The following ATRAID variants were observed in gnomAD, a reference collection of about 807,000 sequenced individuals.
ATRAID encodes the protein all-trans retinoic acid-induced differentiation factor.
Under a neutral mutation model 28.8 loss-of-function variants are expected in ATRAID, and 26 were observed. The ratio of observed to expected loss-of-function variants is 0.90; its 90% confidence interval spans 0.66 to 1.25. ATRAID has a LOEUF of 1.25. ATRAID is among the 50% of genes most tolerant of loss of function. The pLI, the probability that ATRAID is intolerant of heterozygous loss-of-function variation, is 0.00. For synonymous variants in ATRAID, 131 were observed against 108.5 expected (o/e 1.21, Z -1.29); for missense variants, 308 against 285.9 (o/e 1.08, Z -0.56).
intron 2 of ATRAID, chr2:27,213,513 A>G (rs1369398698): frequency 2.0e-5 from 9 of 443,832 alleles, no homozygotes; most frequent in Non-Finnish European, 3.4e-5. Flanking sequence ...AGCATTTCCT[A>G]CTGAGTGCAC....
chr2:27,212,743 C>T (rs1455777975), intron 1 of ATRAID: 4 of 996,326 alleles, frequency 4.0e-6, no homozygotes, highest in Non-Finnish European at 5.4e-6. Flanking sequence ...GGTCCTCTGC[C>T]TCTTGTGTAA....
intron 2 of ATRAID, among the ~76,000 whole-genome samples, chr2:27,214,246 T>G (rs1034649753): frequency 1.3e-5 from 2 of 152,188 alleles, no homozygotes; most frequent in African/African-American, 4.8e-5. Flanking sequence ...TTTTTAACAT[T>G]CTCCCAGTGT....
chr2:27,216,208 G>T (rs1674822659), intron 5 of ATRAID, among the ~76,000 whole-genome samples: 1 of 152,212 alleles, frequency 6.6e-6, no homozygotes, highest in Admixed American at 6.5e-5. Context: ...AGATTACAAA[G>T]TATATTGATC....
At chr2:27,213,089 A>G in intron 1 of ATRAID, 88 bp from the exon 2 acceptor site, 4 of 1,523,618 alleles carry the variant, frequency 2.6e-6, no homozygotes, top group Non-Finnish European at 3.6e-6. Flanking sequence ...AATTCTGGAA[A>G]CGTGTACTGG....
At chr2:27,214,246 T>C (rs1034649753) in intron 2 of ATRAID, among the ~76,000 whole-genome samples, 4 of 152,188 alleles carry the variant, frequency 2.6e-5, no homozygotes, top group African/African-American at 9.7e-5. Context: ...TTTTTAACAT[T>C]CTCCCAGTGT....
At chr2:27,212,646 C>A in intron 1 of ATRAID, 179 bp downstream of exon 1, 1 of 1,398,816 alleles carries the variant, frequency 7.1e-7, no homozygotes, top group Non-Finnish European at 9.2e-7. Flanking sequence ...AGGCCTTCGG[C>A]GCCCCAGTCC....
chr2:27,214,078 C>A (rs1231038606), intron 2 of ATRAID, among the ~76,000 whole-genome samples: 3 of 152,180 alleles, frequency 2.0e-5, no homozygotes, highest in Non-Finnish European at 4.4e-5. Flanking sequence ...TAAAAACTTC[C>A]TGTAATCTTT....
At chr2:27,214,024 C>T (rs1043520368) in intron 2 of ATRAID, among the ~76,000 whole-genome samples, 4 of 152,070 alleles carry the variant, frequency 2.6e-5, no homozygotes, top group Admixed American at 1.3e-4. Flanking sequence ...CGGCTCACCG[C>T]GCCCTCCACC....
At chr2:27,212,985 A>T in intron 1 of ATRAID, 192 bp from the exon 2 acceptor site, 1 of 660,852 alleles carries the variant, frequency 1.5e-6, no homozygotes, top group South Asian at 2.1e-5. Flanking sequence ...GATTCGGCGC[A>T]GGACTCTGGA....
intron 5 of ATRAID, 44 bp downstream of exon 5, chr2:27,215,797 C>G: frequency 6.2e-7 from 1 of 1,602,518 alleles, no homozygotes; most frequent in Non-Finnish European, 8.5e-7. Flanking sequence ...GTCTTTTCTC[C>G]CTTGTATTTT....
Position 27,215,768 on chromosome 2 carries a change from C to T in ATRAID, c.487+15C>T. ...TGGGGACCCAGGTATGCTGTCTTAC[C>T]TCCAAACTTCTGGGAATTGTCTTTT... On this transcript the variant is annotated intron_variant, in intron 5 of 6. Coordinates refer to ENST00000380171, the MANE Select transcript of ATRAID (RefSeq NM_001170795.4). The T allele has an allele frequency of 6.2e-7, 1 of 1,611,148 alleles. No individual in the cohort carries two copies.
chr2:27,215,455 A>C lies in ATRAID; in HGVS notation c.294-19A>C. 1.9e-6 allele frequency: 3 copies of C among 1,614,168 alleles called. No homozygotes were observed. In the South Asian group the frequency reaches 3.3e-5, roughly 18 times the overall value. On this transcript the variant is annotated intron_variant, in intron 3 of 6. Transcript: ENST00000380171. Reference sequence around the variant, plus strand: ...TAATGTAGGTTGATGCGAAAGTGCTAACATTGTGTACTTTGCAGAGACCTG... The same window carrying C: ...TAATGTAGGTTGATGCGAAAGTGCTCACATTGTGTACTTTGCAGAGACCTG...
Position 27,215,850 on chromosome 2 carries a change from T to C in ATRAID, c.487+97T>C, listed in dbSNP as rs994109808. On this transcript the variant is annotated intron_variant, in intron 5 of 6. Coordinates refer to ENST00000380171, the MANE Select transcript of ATRAID (RefSeq NM_001170795.4). ...GACAAAGTTGCTTAAGCGCCTTTCA[T>C]TCAGAGTTCTGGGGCTATAACCCCT... 5 of 1,477,140 alleles carry C rather than the reference T, an allele frequency of 3.4e-6. No individual in the cohort carries two copies. In the Admixed American group the frequency reaches 6.1e-5, roughly 18 times the overall value. 91.5% of individuals were successfully genotyped at this position (1,477,140 alleles called of 1,614,324 possible). A position where few individuals can be genotyped will look rare whatever the true frequency, so the allele number is the denominator to read the frequency against.
At position 27,213,261 on chromosome 2, in the gene ATRAID, G is replaced by A. The variant is rs1433120955; in HGVS notation, c.184G>A (p.Ala62Thr). 6.2e-7 allele frequency: 1 copy of A among 1,614,176 alleles called. No homozygotes were observed. The highest frequency in any genetic ancestry group is 2.2e-5 in the East Asian group (1 of 44,892). The change falls in exon 2 of 7, where the codon GCC becomes ACC. Residue 62 changes from alanine to threonine, a missense_variant. Coordinates refer to ENST00000380171, the MANE Select transcript of ATRAID (RefSeq NM_001170795.4). ...AACGACACGAGAGCTAATGCTGCAT[G>A]CCCGTTGCTGCCTGAATCAGAAGGG... ...CKTTRELMLH[A>T]RCCLNQKGTI...
Position 27,217,133 on chromosome 2 carries a change from C to G in ATRAID, c.*185C>G. The G allele has an allele frequency of 1.9e-6, 1 of 539,082 alleles. No homozygotes were observed. Among genetic ancestry groups the G allele is most frequent in the Admixed American group, 3.9e-5 (1 of 25,654 alleles). The allele number at this position is 539,082 out of a possible 1,614,324, so 33.4% of individuals were successfully genotyped here. A position where few individuals can be genotyped will look rare whatever the true frequency, so the allele number is the denominator to read the frequency against. ...TACCAGTTCCCATTGGTGTTGTTGCCTATAATAAACACTTTTTTCTTTTTT... is the reference window on the plus strand; with the variant it reads ...TACCAGTTCCCATTGGTGTTGTTGCGTATAATAAACACTTTTTTCTTTTTT... On this transcript the variant is annotated 3_prime_UTR_variant, in exon 7 of 7. Transcript: ENST00000380171.
intron 2 of ATRAID, 64 bp downstream of exon 2, chr2:27,213,362 C>T (rs1409578673): frequency 9.0e-6 from 14 of 1,547,220 alleles, no homozygotes; most frequent in African/African-American, 6.9e-5. Flanking sequence ...GCTTTTATAC[C>T]CTTATATTAT....
chr2:27,215,768 C>G lies in ATRAID; in HGVS notation c.487+15C>G, dbSNP rs1674800370. 3 of 1,611,148 alleles carry G rather than the reference C, an allele frequency of 1.9e-6. No homozygotes were observed. The highest frequency in any genetic ancestry group is 2.5e-6 in the Non-Finnish European group (3 of 1,178,990). On this transcript the variant is annotated intron_variant, in intron 5 of 6. Coordinates refer to ENST00000380171, the MANE Select transcript of ATRAID (RefSeq NM_001170795.4). ...TGGGGACCCAGGTATGCTGTCTTACCTCCAAACTTCTGGGAATTGTCTTTT... is the reference window on the plus strand; with the variant it reads ...TGGGGACCCAGGTATGCTGTCTTACGTCCAAACTTCTGGGAATTGTCTTTT...
chr2:27,212,080 G>C lies in ATRAID; in HGVS notation c.-289G>C. The C allele has an allele frequency of 7.6e-7, 1 of 1,319,808 alleles. No homozygotes were observed. The highest frequency in any genetic ancestry group is 1.0e-6 in the Non-Finnish European group (1 of 990,228). The allele number at this position is 1,319,808 out of a possible 1,614,324, so 81.8% of individuals were successfully genotyped here. Reference sequence around the variant, plus strand: ...CCGCGACCTCGGCGTCCGGACGCGGGGAACACCGGGCTGAGGGAGTCTGCA... The same window carrying C: ...CCGCGACCTCGGCGTCCGGACGCGGCGAACACCGGGCTGAGGGAGTCTGCA... On this transcript the variant is annotated 5_prime_UTR_variant, in exon 1 of 7. Coordinates refer to ENST00000380171, the MANE Select transcript of ATRAID (RefSeq NM_001170795.4).
intron 6 of ATRAID, 110 bp from the exon 7 acceptor site, chr2:27,216,732 CTA>C (rs763366667): frequency 1.4e-5 from 20 of 1,427,464 alleles, no homozygotes; most frequent in Non-Finnish European, 2.0e-5. Flanking sequence ...AGGTGGAAAA[CTA>C]TAGAATTGCC....
Sources: gnomAD v4.1 joint callset for allele counts (sites outside exome capture counted in the v4.1 genomes callset) on GRCh38, gnomAD v4.1.1 for gene constraint, MANE v1.5 for transcripts, NCBI Gene and HGNC (gene_info 2026-07-23, HGNC 2026-07-21) for gene names.